The following DCC variants were observed in gnomAD, a reference collection of about 807,000 sequenced individuals.
The protein encoded by DCC is netrin receptor DCC.
In DCC, 58 loss-of-function variants were observed where a neutral mutation model predicts 172.5. That is an observed-to-expected ratio of 0.34 (90% CI 0.27 to 0.42). The LOEUF is 0.42. DCC is among the 10% of genes least tolerant of loss of function. The pLI is 1.00. For missense variants in DCC, 1,740 were observed against 1,791.0 expected, an observed-to-expected ratio of 0.97 and a Z score of 0.51; for synonymous variants, 709 against 644.5, an observed-to-expected ratio of 1.10 and a Z score of -1.52.
At chr18:52,638,623 A>C (rs897556062) in intron 1 of DCC, among the ~76,000 whole-genome samples, 2 of 152,154 alleles carry the variant, frequency 1.3e-5, no homozygotes, top group Non-Finnish European at 2.9e-5. Flanking sequence ...CCAACAGGAA[A>C]ATTTCACAAT....
chr18:52,833,704 G>C (rs761416463), intron 2 of DCC, among the ~76,000 whole-genome samples: 4 of 152,118 alleles, frequency 2.6e-5, no homozygotes, highest in Non-Finnish European at 1.5e-5. Context: ...ACTTCAAACT[G>C]TTTAAAAACT....
chr18:52,874,039 G>C (rs1439040450), intron 2 of DCC, among the ~76,000 whole-genome samples: 1 of 152,130 alleles, frequency 6.6e-6, no homozygotes, highest in Admixed American at 6.5e-5. Flanking sequence ...AGTGAGTACA[G>C]AACTTGTATT....
At chr18:53,146,849 CTG>C (rs2043923186) in intron 7 of DCC, among the ~76,000 whole-genome samples, 1 of 152,048 alleles carries the variant, frequency 6.6e-6, no homozygotes, top group South Asian at 2.1e-4. Flanking sequence ...TCCACATGTG[CTG>C]TGTTATAGTT....
At chr18:52,737,666 G>C (rs552501225) in intron 1 of DCC, among the ~76,000 whole-genome samples, 2 of 152,098 alleles carry the variant, frequency 1.3e-5, no homozygotes, top group African/African-American at 4.8e-5. Context: ...CAAGGAGGGA[G>C]GAATGAAATA....
intron 1 of DCC, among the ~76,000 whole-genome samples, chr18:52,402,081 A>G (rs1208467286): frequency 1.3e-5 from 2 of 152,006 alleles, no homozygotes; most frequent in Non-Finnish European, 2.9e-5. Context: ...GGTTGCATGT[A>G]CAATTCAGTG....
intron 2 of DCC, among the ~76,000 whole-genome samples, chr18:52,904,742 C>T (rs1477598519): frequency 6.6e-6 from 1 of 151,924 alleles, no homozygotes; most frequent in Non-Finnish European, 1.5e-5. Flanking sequence ...TGACATGAAC[C>T]CCAGACTGAT....
chr18:53,429,537 C>G lies in DCC; in HGVS notation c.3164-5607C>G, dbSNP rs1403854969. Among the ~76,000 whole-genome samples the G allele has an allele frequency of 4.6e-5, 7 of 151,890 alleles. No homozygotes were observed. In the Admixed American group the frequency reaches 4.6e-4, roughly 10 times the overall value. ...ATTTACTTCTCAGGAAGAGTCTAAC[C>G]TGTTCATATTTTATGGCCTAAATAC... On this transcript the variant is annotated intron_variant, in intron 21 of 28. Transcript: ENST00000442544.
At chr18:52,605,942 AT>A (rs1359433874) in intron 1 of DCC, among the ~76,000 whole-genome samples, 6 of 152,006 alleles carry the variant, frequency 3.9e-5, no homozygotes, top group African/African-American at 1.2e-4. Flanking sequence ...AATTAAACTA[AT>A]TTTTTTAGCT....
intron 15 of DCC, among the ~76,000 whole-genome samples, chr18:53,375,733 A>G (rs1051920316): frequency 6.6e-6 from 1 of 151,680 alleles, no homozygotes; most frequent in Non-Finnish European, 1.5e-5. Context: ...CATTTCATTA[A>G]GTGCTCCACT....
intron 1 of DCC, among the ~76,000 whole-genome samples, chr18:52,523,653 TA>T (rs1278031965): frequency 1.3e-5 from 2 of 152,182 alleles, no homozygotes; most frequent in African/African-American, 4.8e-5. Flanking sequence ...CAACTTAATC[TA>T]AAAAGGTTCT....
chr18:53,364,755 A>AT, intron 15 of DCC, among the ~76,000 whole-genome samples: 1 of 152,124 alleles, frequency 6.6e-6, no homozygotes, highest in South Asian at 2.1e-4. Context: ...TTCCACATAC[A>AT]TTATTTCATA....
rs572669435 is a variant in DCC, at chr18:52,375,748, G to A, written c.91+34870G>A. 2.0e-5 allele frequency among the ~76,000 whole-genome samples: 3 copies of A among 152,292 alleles called. No individual in the cohort carries two copies. The South Asian group carries it at 6.2e-4, about 32-fold the overall frequency. Reference sequence around the variant, plus strand: ...ATAATATTATACAAAGCAGTGTGAAGCATCCAGTGGCTTAAACCAGCCAGT... The same window carrying A: ...ATAATATTATACAAAGCAGTGTGAAACATCCAGTGGCTTAAACCAGCCAGT... On this transcript the variant is annotated intron_variant, in intron 1 of 28. Coordinates refer to ENST00000442544, the MANE Select transcript of DCC (RefSeq NM_005215.4).
chr18:52,447,828 A>G (rs1012379703), intron 1 of DCC, among the ~76,000 whole-genome samples: 2 of 152,124 alleles, frequency 1.3e-5, no homozygotes, highest in Non-Finnish European at 2.9e-5. Flanking sequence ...GAACTCACTC[A>G]CTATTGAGAG....
At chr18:53,130,143 C>CT (rs1345431513) in intron 7 of DCC, among the ~76,000 whole-genome samples, 1 of 152,086 alleles carries the variant, frequency 6.6e-6, no homozygotes, top group Non-Finnish European at 1.5e-5. Flanking sequence ...CAATTGCAGA[C>CT]TACCCATTCA....
chr18:53,094,680 A>G (rs4270245), intron 7 of DCC, among the ~76,000 whole-genome samples: 103,504 of 152,058 alleles, frequency 0.68, 36,801 homozygotes, highest in African/African-American at 0.87. Context: ...CAATATAGAG[A>G]GATGGAGCAG....
chr18:53,219,120 G>T (rs2055894839), intron 12 of DCC, among the ~76,000 whole-genome samples: 1 of 152,118 alleles, frequency 6.6e-6, no homozygotes, highest in Non-Finnish European at 1.5e-5. Flanking sequence ...TAAGGAATGT[G>T]ATCTAGAATT....
chr18:52,510,144 A>G (rs2144645211), intron 1 of DCC, among the ~76,000 whole-genome samples: 1 of 151,348 alleles, frequency 6.6e-6, no homozygotes, highest in East Asian at 1.9e-4. Flanking sequence ...AAGTCTAGTT[A>G]GCATGACTGG....
At chr18:52,506,514 G>A (rs765949802) in intron 1 of DCC, among the ~76,000 whole-genome samples, 11 of 152,008 alleles carry the variant, frequency 7.2e-5, no homozygotes, top group Non-Finnish European at 1.3e-4. Flanking sequence ...GTAGATTCTG[G>A]TTGTATGTGC....
intron 1 of DCC, among the ~76,000 whole-genome samples, chr18:52,675,100 C>T (rs937196714): frequency 1.3e-5 from 2 of 152,080 alleles, no homozygotes; most frequent in Non-Finnish European, 2.9e-5. Context: ...CCTGTGTCTC[C>T]CAGGCTGGAG....
Sources: gnomAD v4.1 joint callset for allele counts (sites outside exome capture counted in the v4.1 genomes callset) on GRCh38, gnomAD v4.1.1 for gene constraint, MANE v1.5 for transcripts, NCBI Gene and HGNC (gene_info 2026-07-23, HGNC 2026-07-21) for gene names.